FKBP9: variants seen among roughly 807,000 people sequenced by gnomAD.
FKBP9 encodes the protein peptidyl-prolyl cis-trans isomerase FKBP9.
A neutral mutation model predicts 55.6 loss-of-function variants in FKBP9; 27 were observed. That is an observed-to-expected ratio of 0.49 (90% CI 0.36 to 0.67). The LOEUF (loss-of-function observed/expected upper bound fraction) is 0.67, where lower values mean the gene tolerates loss of function less well. Ranked by LOEUF, FKBP9 falls within the 30% of genes least tolerant of loss-of-function variation. The pLI, the probability that FKBP9 is intolerant of heterozygous loss-of-function variation, is 0.00. For synonymous variants in FKBP9, 267 were observed against 296.5 expected, an observed-to-expected ratio of 0.90 and a Z score of 1.02; for missense variants, 539 against 742.8, an observed-to-expected ratio of 0.73 and a Z score of 3.19.
chr7:33,000,620 G>C (rs1011371199), intron 8 of FKBP9, among the ~76,000 whole-genome samples: 1 of 151,602 alleles, frequency 6.6e-6, no homozygotes, highest in African/African-American at 2.4e-5. Flanking sequence ...GAATGCTGTA[G>C]GCCGTTGCTT....
At chr7:32,995,771 C>T (rs1784773313) in intron 6 of FKBP9, among the ~76,000 whole-genome samples, 1 of 151,986 alleles carries the variant, frequency 6.6e-6, no homozygotes, top group Non-Finnish European at 1.5e-5. Context: ...ATTTTCTCAC[C>T]CCACCTCTTA....
At position 33,003,853 on chromosome 7, in the gene FKBP9, A is replaced by C. The variant is rs992820849; in HGVS notation, c.1536+1014A>C. ...TTTAAGTCACTCGCTCAGTGGTCTT[A>C]TCGGGTCCATATCCTGATGGCGTCT... On this transcript the variant is annotated intron_variant, in intron 9 of 9. Coordinates refer to ENST00000242209, the MANE Select transcript of FKBP9 (RefSeq NM_007270.5). Among the ~76,000 whole-genome samples the C allele has an allele frequency of 5.9e-5, 9 of 152,222 alleles. No individual in the cohort carries two copies. The East Asian group carries it at 1.5e-3, about 26-fold the overall frequency.
intron 1 of FKBP9, among the ~76,000 whole-genome samples, chr7:32,960,204 T>C (rs1328545399): frequency 2.1e-5 from 3 of 140,474 alleles, no homozygotes; most frequent in African/African-American, 8.1e-5. Context: ...CCTCCCTGCC[T>C]CCCGGGTTCA....
At chr7:32,999,273 C>A (rs1256878050) in intron 7 of FKBP9, among the ~76,000 whole-genome samples, 1 of 152,114 alleles carries the variant, frequency 6.6e-6, no homozygotes. Context: ...GTCCCCAGTG[C>A]TCATGGGCAT....
intron 1 of FKBP9, among the ~76,000 whole-genome samples, chr7:32,965,815 ATATAT>A (rs1784126821): frequency 1.5e-4 from 1 of 6,468 alleles, no homozygotes; most frequent in African/African-American, 4.2e-4. Flanking sequence ...AAAAAAAAAT[ATATAT>A]ATATATATAT....
At chr7:32,980,214 A>G in intron 4 of FKBP9, 150 bp from the exon 5 acceptor site, 1 of 638,940 alleles carries the variant, frequency 1.6e-6, no homozygotes, top group Admixed American at 3.0e-5. Flanking sequence ...GTTGGACACC[A>G]TGGGGGCCCA....
intron 1 of FKBP9, among the ~76,000 whole-genome samples, chr7:32,966,864 CA>C (rs1340775872): frequency 2.0e-5 from 3 of 152,326 alleles, no homozygotes; most frequent in African/African-American, 7.2e-5. Flanking sequence ...TCTGTGAACT[CA>C]TTCATCACCG....
At chr7:33,003,156 CT>C (rs1751358734) in intron 9 of FKBP9, among the ~76,000 whole-genome samples, 1 of 152,186 alleles carries the variant, frequency 6.6e-6, no homozygotes, top group Admixed American at 6.5e-5. Flanking sequence ...TGATTTGGCC[CT>C]CACAGCAGCT....
chr7:32,970,266 G>A (rs538935755), intron 1 of FKBP9, among the ~76,000 whole-genome samples: 5 of 151,752 alleles, frequency 3.3e-5, no homozygotes, highest in South Asian at 4.2e-4. Context: ...GTGCAATTTC[G>A]GCTCACCACA....
At chr7:32,971,319 T>C (rs1028622493) in intron 1 of FKBP9, among the ~76,000 whole-genome samples, 5 of 152,378 alleles carry the variant, frequency 3.3e-5, no homozygotes, top group Non-Finnish European at 1.5e-5. Flanking sequence ...TAGCCTCTTA[T>C]ATAAATGTAT....
chr7:32,962,261 G>A (rs1375678813), intron 1 of FKBP9, among the ~76,000 whole-genome samples: 1 of 152,216 alleles, frequency 6.6e-6, no homozygotes, highest in Admixed American at 6.5e-5. Flanking sequence ...GGGTGTGGTG[G>A]CGCATGCCTG....
intron 5 of FKBP9, among the ~76,000 whole-genome samples, chr7:32,984,568 TG>T (rs374576112): frequency 3.0e-4 from 45 of 152,184 alleles, no homozygotes; most frequent in African/African-American, 1.0e-3. Context: ...AGAGGTAATA[TG>T]TCCTAATTGC....
At chr7:32,968,035 G>A (rs1431520097) in intron 1 of FKBP9, among the ~76,000 whole-genome samples, 3 of 152,170 alleles carry the variant, frequency 2.0e-5, no homozygotes, top group East Asian at 3.9e-4. Context: ...GATTACAGGC[G>A]TGAGCCACCG....
chr7:32,959,388 G>A (rs552459776), intron 1 of FKBP9, among the ~76,000 whole-genome samples: 1 of 152,244 alleles, frequency 6.6e-6, no homozygotes, highest in South Asian at 2.1e-4. Context: ...TGGGTGACAG[G>A]GAGACTCCGT....
At chr7:32,968,878 G>C (rs1404908771) in intron 1 of FKBP9, among the ~76,000 whole-genome samples, 1 of 151,526 alleles carries the variant, frequency 6.6e-6, no homozygotes, top group East Asian at 1.9e-4. Flanking sequence ...GGCTGGTCTT[G>C]AACTCCTGAC....
chr7:32,988,883 C>T (rs1784628738), intron 6 of FKBP9: 1 of 392,788 alleles, frequency 2.5e-6, no homozygotes, highest in East Asian at 3.9e-5. Context: ...CACGCACCAC[C>T]ACACCCTGCA....
Position 32,988,672 on chromosome 7 carries a change from G to A in FKBP9, c.1039+20G>A. 6.2e-7 allele frequency: 1 copy of A among 1,611,944 alleles called. No individual in the cohort carries two copies. The highest frequency in any genetic ancestry group is 8.5e-7 in the Non-Finnish European group (1 of 1,178,274). On this transcript the variant is annotated intron_variant, in intron 6 of 9. Coordinates refer to ENST00000242209, the MANE Select transcript of FKBP9 (RefSeq NM_007270.5). ...GAAGAGGTGAGCATCAGCATCACCT[G>A]CCTTCCTCACTAGCTGTGGCTGCTT...
intron 5 of FKBP9, among the ~76,000 whole-genome samples, chr7:32,981,301 C>T (rs1784471385): frequency 6.6e-6 from 1 of 152,198 alleles, no homozygotes; most frequent in African/African-American, 2.4e-5. Flanking sequence ...TTACAAATTT[C>T]AGAGGCTGAT....
Position 32,988,511 on chromosome 7 carries a change from T to A in FKBP9, c.898T>A (p.Ser300Thr), listed in dbSNP as rs776091689. 7.4e-6 allele frequency: 12 copies of A among 1,613,924 alleles called. No homozygotes were observed. Among genetic ancestry groups the A allele is most frequent in the Admixed American group, 1.7e-5 (1 of 60,012 alleles). ...LDGTLFDSSY[S>T]RNRTFDTYIG... ...CTTTCCTTTCTTCTTTTCTAGCTAC[T>A]CTCGGAACCGCACGTTTGACACGTA... The change falls in exon 6 of 10, where the codon TCT (serine) becomes ACT (threonine). Residue 300 changes from serine (S) to threonine (T), a missense_variant. This residue lies in a region of FKBP9 where 172 missense variants were observed against 205.3 expected (regional missense o/e 0.84). Transcript: ENST00000242209.
Sources: allele counts gnomAD v4.1 joint callset (sites outside exome capture counted in the v4.1 genomes callset), GRCh38; gene constraint gnomAD v4.1.1; regional missense constraint gnomAD v4.1.1; transcripts MANE v1.5; gene names NCBI Gene and HGNC (gene_info 2026-07-23, HGNC 2026-07-21).